MAOB: variants seen among roughly 807,000 people sequenced by gnomAD.
MAOB encodes the protein monoamine oxidase B.
MAOB carries 15 observed loss-of-function variants against 41.9 expected under a neutral mutation model. The ratio of observed to expected loss-of-function variants is 0.36; its 90% CI spans 0.24 to 0.55. The LOEUF (loss-of-function observed/expected upper bound fraction) is 0.55, where lower values mean the gene tolerates loss of function less well. Among genes scored for constraint, MAOB ranks in the 20% least tolerant of loss-of-function variants. The pLI, the probability that MAOB is intolerant of heterozygous loss-of-function variation, is 0.86. For synonymous variants in MAOB, 167 were observed against 144.2 expected (o/e 1.16, Z -1.13); for missense variants, 345 against 398.7 (o/e 0.87, Z 1.15).
chrX:43,796,745 A>T (rs1457230682), intron 6 of MAOB, among the ~76,000 whole-genome samples: 1 of 111,917 alleles, frequency 8.9e-6, no homozygotes, highest in African/African-American at 3.2e-5. Flanking sequence ...TGAATAGATA[A>T]ATGAATTCCA....
At chrX:43,767,981 A>G (rs951223582) in intron 14 of MAOB, among the ~76,000 whole-genome samples, 22 of 112,476 alleles carry the variant, frequency 2.0e-4, no homozygotes, top group Non-Finnish European at 3.4e-4. Flanking sequence ...CACGTGTGCC[A>G]TAAATACTTG....
Position 43,766,935 on chromosome X carries a change from A to C in MAOB, c.*531T>G, listed in dbSNP as rs977977784. On this transcript the variant is annotated 3_prime_UTR_variant, in exon 15 of 15. Transcript: ENST00000378069. ...TTTGTGTTCTAGTCCCCCAGATACC[A>C]GTGGCTTATTGTGGCTCTTAGGTAA... 2.7e-5 allele frequency: 3 copies of C among 112,031 alleles called. No individual in the cohort carries two copies. The highest frequency in any genetic ancestry group is 5.6e-5 in the Non-Finnish European group (3 of 53,388). 9.2% of individuals were successfully genotyped at this position (112,031 alleles called of 1,213,427 possible).
intron 2 of MAOB, among the ~76,000 whole-genome samples, chrX:43,841,634 C>T (rs986540092): frequency 8.9e-6 from 1 of 111,753 alleles, no homozygotes; most frequent in Non-Finnish European, 1.9e-5. Context: ...AAGGTGAAGG[C>T]GTTATACTAC....
rs757358839 is a variant in MAOB, at chrX:43,778,753, G to A, written c.1080-14C>T. 4 of 1,161,952 alleles carry A rather than the reference G, an allele frequency of 3.4e-6. No homozygotes were observed. The highest frequency in any genetic ancestry group is 4.7e-6 in the Non-Finnish European group (4 of 857,062). Reference sequence around the variant, plus strand: ...AGTTTCTTCAACCTGTGAATGAAAAGAGACAAAAGAGAAAATAAAGGAAAG... The same window carrying A: ...AGTTTCTTCAACCTGTGAATGAAAAAAGACAAAAGAGAAAATAAAGGAAAG... On this transcript the variant is annotated splice_polypyrimidine_tract_variant and intron_variant, in intron 10 of 14. Coordinates refer to ENST00000378069, the MANE Select transcript of MAOB (RefSeq NM_000898.5).
At chrX:43,843,377 A>ACG (rs1267041491) in intron 2 of MAOB, among the ~76,000 whole-genome samples, 4 of 105,711 alleles carry the variant, frequency 3.8e-5, no homozygotes, top group Non-Finnish European at 7.8e-5. Flanking sequence ...ACACACACAC[A>ACG]CACACACACA....
chrX:43,778,738 A>G lies in MAOB; in HGVS notation c.1081T>C (p.Leu361=), dbSNP rs764678721. The change falls in exon 11 of 15, where the codon TTG becomes CTG. Residue 361 remains leucine (L), a splice_region_variant and synonymous_variant. Transcript: ENST00000378069. ...GCATAGAGTTCACAAAGTTTCTTCA[A>G]CCTGTGAATGAAAAGAGACAAAAGA... is the stretch of plus-strand genomic sequence containing the variant. ...KLARLTKEER[L]KKLCELYAKV... is the part of the protein sequence containing the mutation. The G allele has an allele frequency of 8.4e-7, 1 of 1,196,494 alleles. No homozygotes were observed. Among genetic ancestry groups the G allele is most frequent in the Non-Finnish European group, 1.1e-6 (1 of 883,836 alleles).
At chrX:43,871,396 T>G (rs1569233530) in intron 1 of MAOB, among the ~76,000 whole-genome samples, 1 of 110,178 alleles carries the variant, frequency 9.1e-6, no homozygotes. Context: ...GGAAGAACAT[T>G]TGAATTTGCT....
At chrX:43,826,320 T>C (rs772415487) in intron 3 of MAOB, among the ~76,000 whole-genome samples, 13 of 111,515 alleles carry the variant, frequency 1.2e-4, no homozygotes, top group African/African-American at 3.9e-4. Flanking sequence ...ATTTCCGTTT[T>C]CTCCTAAGAG....
intron 2 of MAOB, among the ~76,000 whole-genome samples, chrX:43,839,923 T>C (rs768465756): frequency 1.3e-4 from 15 of 112,189 alleles, no homozygotes; most frequent in Non-Finnish European, 2.4e-4. Flanking sequence ...GGCAAAACCT[T>C]GTAAAGCAAC....
rs182193615 is a variant in MAOB at position 43,868,848 on chromosome X, T to A, written c.46+13406A>T. Among the ~76,000 whole-genome samples the A allele has an allele frequency of 7.4e-5, 8 of 107,997 alleles. No individual in the cohort carries two copies. In the East Asian group the frequency reaches 2.3e-3, roughly 31 times the overall value. 93.8% of individuals were successfully genotyped at this position (107,997 alleles called of 115,157 possible). On this transcript the variant is annotated intron_variant, in intron 1 of 14. Coordinates refer to ENST00000378069, the MANE Select transcript of MAOB (RefSeq NM_000898.5). Reference sequence around the variant, plus strand: ...TAAGCACAGAAAACGTAATTTCACATCAATTCTTGTGTGTGTGTGTGTGTG... The same window carrying A: ...TAAGCACAGAAAACGTAATTTCACAACAATTCTTGTGTGTGTGTGTGTGTG...
chrX:43,825,056 A>G (rs1027903918), intron 3 of MAOB, among the ~76,000 whole-genome samples: 3 of 112,368 alleles, frequency 2.7e-5, no homozygotes, highest in African/African-American at 9.7e-5. Context: ...ACCTCCTCAT[A>G]TTGTGTTGGA....
At chrX:43,864,250 T>C (rs903132381) in intron 1 of MAOB, among the ~76,000 whole-genome samples, 3 of 111,817 alleles carry the variant, frequency 2.7e-5, no homozygotes, top group African/African-American at 9.7e-5. Context: ...GGAGTTTTCA[T>C]GTGAAGCATT....
At chrX:43,801,378 CTAAAAATG>C (rs1199707213) in intron 5 of MAOB, among the ~76,000 whole-genome samples, 1 of 111,055 alleles carries the variant, frequency 9.0e-6, no homozygotes, top group African/African-American at 3.3e-5. Flanking sequence ...GAATGAATGC[CTAAAAATG>C]AAGACATTAA....
At chrX:43,775,454 T>C (rs996920199) in intron 11 of MAOB, among the ~76,000 whole-genome samples, 182 bp from the exon 12 acceptor site, 2 of 112,127 alleles carry the variant, frequency 1.8e-5, no homozygotes, top group African/African-American at 6.5e-5. Context: ...GTAATAAGCT[T>C]CTAAGAAATT....
chrX:43,881,105 G>A (rs2035470110), intron 1 of MAOB, among the ~76,000 whole-genome samples: 1 of 113,288 alleles, frequency 8.8e-6, no homozygotes, highest in Admixed American at 9.2e-5. Context: ...GAGCCTGCTA[G>A]ACAGATGTGG....
chrX:43,794,796 G>A lies in MAOB; in HGVS notation c.768+943C>T, dbSNP rs181784502. Among the ~76,000 whole-genome samples, 408 of 109,418 alleles carry A rather than the reference G, an allele frequency of 3.7e-3. 3 individuals are homozygous for A. Among genetic ancestry groups the A allele is most frequent in the African/African-American group, 0.011 (343 of 30,075 alleles). ...TAAAGTGTGTGACATTGTTGACTTC[G>A]GCTTTGATTATCTATGAGACTGTGG... On this transcript the variant is annotated intron_variant, in intron 7 of 14. Coordinates refer to ENST00000378069, the MANE Select transcript of MAOB (RefSeq NM_000898.5).
At position 43,793,593 on chromosome X, in the gene MAOB, A is replaced by G; in HGVS notation, c.769-15T>C. On this transcript the variant is annotated splice_polypyrimidine_tract_variant and intron_variant, in intron 7 of 14. Coordinates refer to ENST00000378069, the MANE Select transcript of MAOB (RefSeq NM_000898.5). ...ACATATTTAGCCTGAAAGAAAAGCAACATGGTTAAACATTGTTGCCGTGTT... is the reference window on the plus strand; with the variant it reads ...ACATATTTAGCCTGAAAGAAAAGCAGCATGGTTAAACATTGTTGCCGTGTT... 14 of 1,164,566 alleles carry G rather than the reference A, an allele frequency of 1.2e-5. No homozygotes were observed. Among genetic ancestry groups the G allele is most frequent in the Non-Finnish European group, 1.6e-5 (14 of 863,943 alleles).
At chrX:43,857,143 AGAGAGAGAGAGAGAGAGAGAGAAGAAG>A (rs1569230871) in intron 1 of MAOB, among the ~76,000 whole-genome samples, 5 of 62,259 alleles carry the variant, frequency 8.0e-5, no homozygotes, top group Non-Finnish European at 1.5e-4. Flanking sequence ...AGAGAGAGAG[AGAGAGAGAGAGAGAGAGAGAGAAGAAG>A]AGAGAGAGAG....
At chrX:43,814,113 A>G (rs1380999875) in intron 3 of MAOB, among the ~76,000 whole-genome samples, 2 of 111,028 alleles carry the variant, frequency 1.8e-5, no homozygotes, top group Non-Finnish European at 3.8e-5. Flanking sequence ...TAGTGTCTTC[A>G]GATGGGAGCA....
Sources: gnomAD v4.1 joint callset for allele counts (sites outside exome capture counted in the v4.1 genomes callset) on GRCh38, gnomAD v4.1.1 for gene constraint, MANE v1.5 for transcripts, NCBI Gene and HGNC (gene_info 2026-07-23, HGNC 2026-07-21) for gene names.